LARS1: variants seen among roughly 807,000 people sequenced by gnomAD.
LARS1 encodes leucyl-tRNA synthetase 1, also known as leucine--tRNA ligase, cytoplasmic.
LARS1 carries 100 observed loss-of-function variants against 162.8 expected under a neutral mutation model. The ratio of observed to expected loss-of-function variants is 0.61; its 90% CI spans 0.52 to 0.73. The LOEUF is 0.73. Ranked by LOEUF, LARS1 falls within the 30% of genes least tolerant of loss-of-function variation. LARS1 has a pLI of 0.00. For synonymous variants in LARS1, 457 were observed against 462.8 expected, an observed-to-expected ratio of 0.99 and a Z score of 0.16; for missense variants, 1,258 against 1,408.9, an observed-to-expected ratio of 0.89 and a Z score of 1.71.
intron 19 of LARS1, 100 bp from the exon 20 acceptor site, chr5:146,143,184 T>C: frequency 1.2e-6 from 1 of 818,012 alleles, no homozygotes; most frequent in Non-Finnish European, 1.8e-6. Context: ...AATCTCTTTC[T>C]TAATGTAGTT....
chr5:146,148,191 T>G (rs1051196323), intron 15 of LARS1, among the ~76,000 whole-genome samples: 2 of 152,114 alleles, frequency 1.3e-5, no homozygotes, highest in Non-Finnish European at 2.9e-5. Context: ...AGAAAGAATA[T>G]AAGGACATAG....
At chr5:146,137,946 C>A (rs1263523162) in intron 21 of LARS1, 1 of 157,246 alleles carries the variant, frequency 6.4e-6, no homozygotes, top group Middle Eastern at 3.3e-3. Context: ...CATAGTGAAA[C>A]CCCGTCTCTA....
chr5:146,144,560 GT>G (rs200448378), intron 16 of LARS1, 23 bp from the exon 17 acceptor site: 18 of 1,602,018 alleles, frequency 1.1e-5, no homozygotes, highest in Admixed American at 3.4e-5. Context: ...AAATTGATAT[GT>G]TTTTTTTTAA....
intron 5 of LARS1, among the ~76,000 whole-genome samples, chr5:146,166,875 CAG>C (rs1273066279): frequency 2.0e-5 from 3 of 151,912 alleles, no homozygotes; most frequent in Non-Finnish European, 4.4e-5. Context: ...GAAATCTTTA[CAG>C]GAGAAAAACC....
intron 10 of LARS1, among the ~76,000 whole-genome samples, chr5:146,156,636 G>A (rs1753541117): frequency 6.6e-6 from 1 of 152,010 alleles, no homozygotes; most frequent in Admixed American, 6.6e-5. Context: ...CAGAGGTGCA[G>A]TGAGCTGAGA....
Position 146,143,487 on chromosome 5 carries a change from A to G in LARS1, c.1802T>C (p.Met601Thr). The G allele has an allele frequency of 6.2e-7, 1 of 1,614,090 alleles. No homozygotes were observed. Among genetic ancestry groups the G allele is most frequent in the Middle Eastern group, 1.6e-4 (1 of 6,062 alleles). The part of the protein sequence containing the change: ...IESLSDSTIY[M>T]AFYTVAHLLQ... Reference sequence around the variant, plus strand: ...TAGGTGTGCAACTGTGTAAAATGCCATGTAAATAGTGGAGTCAGAAAGTGA... The same window carrying G: ...TAGGTGTGCAACTGTGTAAAATGCCGTGTAAATAGTGGAGTCAGAAAGTGA... The change falls in exon 19 of 32, where the codon ATG becomes ACG. Residue 601 changes from methionine to threonine, a missense_variant. Met to Thr is a moderately conservative substitution (Grantham distance 81). Coordinates refer to ENST00000394434, the MANE Select transcript of LARS1 (RefSeq NM_020117.11).
At position 146,144,606 on chromosome 5, in the gene LARS1, T is replaced by C. The variant is rs374629631; in HGVS notation, c.1589+18A>G. The C allele has an allele frequency of 1.1e-4, 183 of 1,613,554 alleles. No individual in the cohort carries two copies. Among genetic ancestry groups the C allele is most frequent in the Admixed American group, 8.7e-4 (52 of 59,956 alleles). On this transcript the variant is annotated intron_variant, in intron 16 of 31. Coordinates refer to ENST00000394434, the MANE Select transcript of LARS1 (RefSeq NM_020117.11). ...GAGCAAATTGACTAGGGGAATTTTC[T>C]TGCTATAAGAGACTAACCACTGGTC...
At chr5:146,118,206 T>C (rs1751657571) in intron 31 of LARS1, among the ~76,000 whole-genome samples, 1 of 152,332 alleles carries the variant, frequency 6.6e-6, no homozygotes, top group East Asian at 1.9e-4. Flanking sequence ...GTCCTGTCAT[T>C]TGTGACAACA....
chr5:146,133,125 C>G (rs539565426), intron 22 of LARS1, 44 bp from the exon 23 acceptor site: 1 of 1,560,920 alleles, frequency 6.4e-7, no homozygotes, highest in Non-Finnish European at 8.8e-7. Flanking sequence ...AATATGGTTA[C>G]TGAGTATCAA....
intron 12 of LARS1, among the ~76,000 whole-genome samples, chr5:146,153,477 C>T (rs1252080707): frequency 2.0e-5 from 3 of 152,274 alleles, no homozygotes; most frequent in South Asian, 2.1e-4. Context: ...TGTACATAGA[C>T]ATACACATAT....
In LARS1 at chr5:146,143,375, G is replaced by C. The variant is rs150846285; in HGVS notation, c.1877+37C>G. On this transcript the variant is annotated intron_variant, in intron 19 of 31. Transcript: ENST00000394434. ...TAAATCAAATATCACAACTCTTACT[G>C]ACAAATTATGCTCCTTTCCCTTATC... is the stretch of plus-strand genomic sequence containing the variant. 1.5e-3 allele frequency: 2,354 copies of C among 1,574,946 alleles called. 2 individuals are homozygous for C. Among genetic ancestry groups the C allele is most frequent in the Non-Finnish European group, 1.8e-3 (2,052 of 1,157,818 alleles).
intron 22 of LARS1, 35 bp downstream of exon 22, chr5:146,135,566 C>T (rs778663838): frequency 2.7e-5 from 39 of 1,462,396 alleles, no homozygotes; most frequent in Non-Finnish European, 3.4e-5. Context: ...AGAACTGGAC[C>T]CTACAGAACA....
intron 21 of LARS1, among the ~76,000 whole-genome samples, chr5:146,137,142 C>T (rs193107794): frequency 7.1e-4 from 108 of 152,338 alleles, no homozygotes; most frequent in African/African-American, 2.0e-3. Context: ...AGGTGATCCA[C>T]CCGCCTTGGC....
At chr5:146,154,505 C>T (rs1753434848) in intron 10 of LARS1, among the ~76,000 whole-genome samples, 1 of 152,200 alleles carries the variant, frequency 6.6e-6, no homozygotes, top group Non-Finnish European at 1.5e-5. Flanking sequence ...AGGCTGAGCG[C>T]GGTGGCTAAC....
At chr5:146,173,516 C>T (rs1754368883) in intron 2 of LARS1, among the ~76,000 whole-genome samples, 1 of 149,994 alleles carries the variant, frequency 6.7e-6, no homozygotes, top group African/African-American at 2.5e-5. Flanking sequence ...GTGGTAGATT[C>T]ACTTTAAACG....
chr5:146,140,340 TAATA>T, intron 20 of LARS1, 79 bp from the exon 21 acceptor site: 2 of 1,080,370 alleles, frequency 1.9e-6, no homozygotes, highest in African/African-American at 3.1e-5. Flanking sequence ...AGGTAAAAGC[TAATA>T]GACTCATAAA....
intron 22 of LARS1, 62 bp downstream of exon 22, chr5:146,135,539 G>A (rs373249228): frequency 6.7e-6 from 8 of 1,195,478 alleles, no homozygotes; most frequent in African/African-American, 6.3e-5. Context: ...CAATTTTAAC[G>A]TGTCTTCTAT....
intron 8 of LARS1, among the ~76,000 whole-genome samples, chr5:146,158,131 T>TA (rs1374591810): frequency 8.5e-5 from 13 of 152,220 alleles, no homozygotes; most frequent in African/African-American, 3.1e-4. Flanking sequence ...TTTCTAAACT[T>TA]AGTTTGCTCC....
chr5:146,157,550 C>T lies in LARS1; in HGVS notation c.918G>A (p.Trp306Ter). The T allele has an allele frequency of 6.2e-7, 1 of 1,613,894 alleles. No homozygotes were observed. Among genetic ancestry groups the T allele is most frequent in the Non-Finnish European group, 8.5e-7 (1 of 1,179,968 alleles). The change falls in exon 10 of 32, where the codon TGG becomes TGA. Residue 306 changes from tryptophan to a stop codon, truncating the protein, a stop_gained. Transcript: ENST00000394434. LOFTEE classifies it high-confidence loss of function. Reference sequence around the variant, plus strand: ...CAATGTACTTCATATCAGGACGAACCCAACAATTTGTCTGCCCAAACATGG... The same window carrying T: ...CAATGTACTTCATATCAGGACGAACTCAACAATTTGTCTGCCCAAACATGG... ...PETMFGQTNC[W>*]VRPDMKYIGF...
Sources: gnomAD v4.1 joint callset for allele counts (sites outside exome capture counted in the v4.1 genomes callset) on GRCh38, gnomAD v4.1.1 for gene constraint, MANE v1.5 for transcripts, NCBI Gene and HGNC (gene_info 2026-07-23, HGNC 2026-07-21) for gene names.